The following CDH18 variants were observed in gnomAD, a reference collection of about 807,000 sequenced individuals.
CDH18 encodes the protein cadherin-18.
Under a neutral mutation model 67.9 loss-of-function variants are expected in CDH18, and 31 were observed. That is an observed-to-expected ratio of 0.46 (90% confidence interval 0.34 to 0.62). The LOEUF is 0.62. CDH18 is among the 20% of genes least tolerant of loss of function. CDH18 has a pLI of 0.01. For synonymous variants in CDH18, 362 were observed against 347.2 expected (o/e 1.04, Z -0.48); for missense variants, 890 against 975.5 (o/e 0.91, Z 1.17).
intron 1 of CDH18, among the ~76,000 whole-genome samples, chr5:20,336,418 T>A (rs1739742544): frequency 6.6e-6 from 1 of 151,738 alleles, no homozygotes. Context: ...CAGGAAGAAA[T>A]GGGGTTAAGA....
chr5:20,437,006 T>A (rs139367726), intron 1 of CDH18, among the ~76,000 whole-genome samples: 35 of 149,330 alleles, frequency 2.3e-4, no homozygotes, highest in African/African-American at 5.6e-4. Flanking sequence ...CCAAAAAATG[T>A]ACAAAGAAAA....
chr5:20,191,040 ATTG>A (rs1203920117), intron 2 of CDH18, among the ~76,000 whole-genome samples: 1 of 152,104 alleles, frequency 6.6e-6, no homozygotes, highest in African/African-American at 2.4e-5. Context: ...AGGCTCACAT[ATTG>A]TTCCACCTTT....
At chr5:20,055,152 T>C (rs1741797264) in intron 2 of CDH18, among the ~76,000 whole-genome samples, 1 of 152,228 alleles carries the variant, frequency 6.6e-6, no homozygotes, top group South Asian at 2.1e-4. Flanking sequence ...GTATTACTAT[T>C]ATAAAATATA....
rs371813620 is a variant in CDH18 at position 20,149,016 on chromosome 5, T to G, written c.-518+106428A>C. 1.6e-4 allele frequency among the ~76,000 whole-genome samples: 25 copies of G among 152,264 alleles called. No homozygotes were observed. In the South Asian group the frequency reaches 5.2e-3, roughly 32 times the overall value. ...TTATCTAATAAATCTAGTTGCTATT[T>G]GGACAGCTAATCTCCTGCATTAAAT... On this transcript the variant is annotated intron_variant, in intron 2 of 14. Transcript: ENST00000507958.
chr5:20,060,993 T>C (rs1742431665), intron 2 of CDH18, among the ~76,000 whole-genome samples: 1 of 152,050 alleles, frequency 6.6e-6, no homozygotes, highest in Non-Finnish European at 1.5e-5. Flanking sequence ...TTTCTATTTG[T>C]CAGAGATTCA....
intron 4 of CDH18, among the ~76,000 whole-genome samples, chr5:19,738,649 C>T (rs1768680868): frequency 6.6e-6 from 1 of 151,974 alleles, no homozygotes; most frequent in Admixed American, 6.6e-5. Context: ...GCAAATTGAC[C>T]AGTTTTATTA....
intron 5 of CDH18, among the ~76,000 whole-genome samples, chr5:19,706,152 T>G (rs1346308250): frequency 6.6e-6 from 1 of 152,176 alleles, no homozygotes; most frequent in African/African-American, 2.4e-5. Flanking sequence ...TAACTGAAAA[T>G]GCTCAGTTAC....
intron 5 of CDH18, among the ~76,000 whole-genome samples, chr5:19,661,496 C>T (rs1409396100): frequency 6.6e-6 from 1 of 151,766 alleles, no homozygotes; most frequent in African/African-American, 2.4e-5. Context: ...CTCTTTTTCA[C>T]ATATTGCCTT....
At chr5:20,567,589 T>C (rs1336636544) in intron 1 of CDH18, among the ~76,000 whole-genome samples, 2 of 152,142 alleles carry the variant, frequency 1.3e-5, no homozygotes, top group Non-Finnish European at 2.9e-5. Flanking sequence ...AAGAGCATTA[T>C]AAGGTCAGGC....
chr5:20,506,703 A>T (rs1006851337), intron 1 of CDH18, among the ~76,000 whole-genome samples: 1 of 152,248 alleles, frequency 6.6e-6, no homozygotes, highest in Non-Finnish European at 1.5e-5. Context: ...GTAGTATTGT[A>T]AACTGTTAAG....
In CDH18 at chr5:19,675,959, C is replaced by A. The variant is rs1007450252; in HGVS notation, c.643+45388G>T. On this transcript the variant is annotated intron_variant, in intron 5 of 12. Transcript: ENST00000382275. ...TTCAGCCTGTCCCTCCATTCGGGGT[C>A]CCTGACTTCCTGCAACAATCATTAA... 3.3e-5 allele frequency among the ~76,000 whole-genome samples: 5 copies of A among 151,630 alleles called. No individual in the cohort carries two copies. The South Asian group carries it at 8.3e-4, about 25-fold the overall frequency.
At chr5:20,202,612 T>C (rs1176621974) in intron 2 of CDH18, among the ~76,000 whole-genome samples, 1 of 152,108 alleles carries the variant, frequency 6.6e-6, no homozygotes, top group African/African-American at 2.4e-5. Flanking sequence ...TGAAAGAGTA[T>C]TTTGTTCTTA....
chr5:20,095,481 G>A (rs1014697519), intron 2 of CDH18, among the ~76,000 whole-genome samples: 6 of 74,264 alleles, frequency 8.1e-5, no homozygotes, highest in African/African-American at 2.4e-4. Flanking sequence ...GAAGGAAGGA[G>A]AGAGAGAGGG....
chr5:20,122,555 A>ATTGATTAAT (rs1561808170), intron 2 of CDH18, among the ~76,000 whole-genome samples: 3 of 152,058 alleles, frequency 2.0e-5, no homozygotes, highest in Non-Finnish European at 4.4e-5. Flanking sequence ...TCTTGACGTG[A>ATTGATTAAT]CTGATTAATA....
chr5:19,849,533 T>C (rs1783403039), intron 2 of CDH18, among the ~76,000 whole-genome samples: 1 of 151,472 alleles, frequency 6.6e-6, no homozygotes, highest in African/African-American at 2.4e-5. Context: ...CGCTTTGTGT[T>C]GAATTTGTTA....
intron 5 of CDH18, among the ~76,000 whole-genome samples, chr5:19,612,881 C>G (rs1330803703): frequency 6.6e-6 from 1 of 152,120 alleles, no homozygotes; most frequent in Non-Finnish European, 1.5e-5. Flanking sequence ...TGGCTCACGC[C>G]TGTAATCCCA....
intron 1 of CDH18, among the ~76,000 whole-genome samples, chr5:20,553,241 G>A (rs1478036252): frequency 1.3e-5 from 2 of 152,016 alleles, no homozygotes; most frequent in Non-Finnish European, 2.9e-5. Flanking sequence ...GTTAATCTGG[G>A]CATGTTTTAT....
intron 2 of CDH18, among the ~76,000 whole-genome samples, chr5:20,202,088 T>C (rs1461853892): frequency 6.6e-6 from 1 of 152,204 alleles, no homozygotes. Context: ...TACAATAGAC[T>C]TGTACTGCAT....
intron 8 of CDH18, 58 bp from the exon 9 acceptor site, chr5:19,544,063 C>A: frequency 1.2e-6 from 1 of 861,502 alleles, no homozygotes; most frequent in South Asian, 2.1e-5. Flanking sequence ...TACAACTGAA[C>A]CAAGGAAAGT....
Sources: gnomAD v4.1 joint callset for allele counts (sites outside exome capture counted in the v4.1 genomes callset) on GRCh38, gnomAD v4.1.1 for gene constraint, MANE v1.5 for transcripts, NCBI Gene and HGNC (gene_info 2026-07-23, HGNC 2026-07-21) for gene names.